The following FBXL17 variants were observed in gnomAD, a reference collection of about 807,000 sequenced individuals.
FBXL17 encodes the protein F-box/LRR-repeat protein 17.
Under a neutral mutation model 66.2 loss-of-function variants are expected in FBXL17, and 22 were observed. The ratio of observed to expected loss-of-function variants is 0.33; its 90% CI spans 0.24 to 0.47. The LOEUF is 0.47. Among genes scored for constraint, FBXL17 ranks in the 20% least tolerant of loss-of-function variants. The pLI, the probability that FBXL17 is intolerant of heterozygous loss-of-function variation, is 1.00. For missense variants in FBXL17, 878 were observed against 948.2 expected, an observed-to-expected ratio of 0.93 and a Z score of 0.97; for synonymous variants, 474 against 400.5, an observed-to-expected ratio of 1.18 and a Z score of -2.19.
intron 7 of FBXL17, among the ~76,000 whole-genome samples, chr5:107,904,269 C>T (rs1402814006): frequency 6.6e-6 from 1 of 152,112 alleles, no homozygotes; most frequent in Non-Finnish European, 1.5e-5. Flanking sequence ...CCAGGAGAGA[C>T]ACCCCCTTCT....
intron 3 of FBXL17, among the ~76,000 whole-genome samples, chr5:108,360,592 T>G (rs1252405874): frequency 6.6e-6 from 1 of 152,140 alleles, no homozygotes; most frequent in Non-Finnish European, 1.5e-5. Context: ...CTCCCTGAAT[T>G]TATTGAGTTT....
At chr5:108,298,887 C>G in intron 4 of FBXL17, 1 of 932,416 alleles carries the variant, frequency 1.1e-6, no homozygotes, top group Non-Finnish European at 1.3e-6. Flanking sequence ...TAAAATGAGC[C>G]TTTTTTCCAT....
chr5:107,861,996 A>T, intron 8 of FBXL17, 136 bp from the exon 9 acceptor site: 2 of 949,224 alleles, frequency 2.1e-6, no homozygotes, highest in Non-Finnish European at 2.8e-6. Context: ...GATGTGAGGA[A>T]GGGTTTTGTG....
intron 6 of FBXL17, among the ~76,000 whole-genome samples, chr5:108,112,755 A>C (rs900460027): frequency 6.6e-6 from 1 of 151,078 alleles, no homozygotes; most frequent in Non-Finnish European, 1.5e-5. Context: ...GAAAGTTGTA[A>C]AAAGATCCAA....
At position 108,146,047 on chromosome 5, in the gene FBXL17, T is replaced by C. The variant is rs141569471; in HGVS notation, c.1745+40070A>G. 4.4e-3 allele frequency among the ~76,000 whole-genome samples: 660 copies of C among 150,634 alleles called. 2 individuals carry two copies. The highest frequency in any genetic ancestry group is 0.016 in the African/African-American group (633 of 40,242). ...TCCTGGCTAACACAGTGAAATCCTG[T>C]CTCTACTAAAAATCTCTACTAAAAA... On this transcript the variant is annotated intron_variant, in intron 6 of 8. Coordinates refer to ENST00000542267, the MANE Select transcript of FBXL17 (RefSeq NM_001163315.3).
chr5:107,904,229 G>C (rs1042808833), intron 7 of FBXL17, among the ~76,000 whole-genome samples: 1 of 151,900 alleles, frequency 6.6e-6, no homozygotes, highest in East Asian at 1.9e-4. Context: ...CCTATCTCAC[G>C]ATGGCACCAC....
rs77385329 is a variant in FBXL17 at position 108,317,631 on chromosome 5, C to T, written c.1506+30768G>A. On this transcript the variant is annotated intron_variant, in intron 4 of 8. Transcript: ENST00000542267. ...GATATAATACACTAAAGGTTAACTA[C>T]GTAAGTACAATAAAAAAAAATTTCA... is the stretch of plus-strand genomic sequence containing the variant. Among the ~76,000 whole-genome samples, 375 of 151,016 alleles carry T rather than the reference C, an allele frequency of 2.5e-3. 1 individual carries two copies. Among genetic ancestry groups the T allele is most frequent in the African/African-American group, 8.7e-3 (360 of 41,334 alleles).
At chr5:108,363,649 C>G (rs1023172563) in intron 3 of FBXL17, among the ~76,000 whole-genome samples, 1 of 151,922 alleles carries the variant, frequency 6.6e-6, no homozygotes, top group Non-Finnish European at 1.5e-5. Flanking sequence ...GTTGCTCCTT[C>G]TCTACTTCAA....
At chr5:108,270,712 T>C (rs981349084) in intron 4 of FBXL17, among the ~76,000 whole-genome samples, 4 of 152,104 alleles carry the variant, frequency 2.6e-5, no homozygotes, top group East Asian at 1.9e-4. Flanking sequence ...GTTGAAATAA[T>C]TGAACAGCTG....
chr5:108,345,183 A>C (rs1450371162), intron 4 of FBXL17, among the ~76,000 whole-genome samples: 2 of 151,732 alleles, frequency 1.3e-5, no homozygotes, highest in Non-Finnish European at 2.9e-5. Context: ...AAATACAAAA[A>C]AAAATTAGCT....
intron 5 of FBXL17, among the ~76,000 whole-genome samples, chr5:108,194,022 A>G (rs1289552815): frequency 6.6e-6 from 1 of 152,076 alleles, no homozygotes; most frequent in African/African-American, 2.4e-5. Flanking sequence ...TAGCCAGATT[A>G]ATCTTCTTGA....
At chr5:107,999,486 A>ACACAC (rs1753630816) in intron 7 of FBXL17, among the ~76,000 whole-genome samples, 1 of 121,988 alleles carries the variant, frequency 8.2e-6, no homozygotes, top group Non-Finnish European at 1.8e-5. Flanking sequence ...CACACACACC[A>ACACAC]CACACACACA....
chr5:108,256,123 C>T (rs1006340114), intron 4 of FBXL17, among the ~76,000 whole-genome samples: 4 of 152,114 alleles, frequency 2.6e-5, no homozygotes, highest in African/African-American at 9.7e-5. Context: ...TAGAATCTTC[C>T]ATTTCGGTTA....
At chr5:108,062,482 T>A (rs1289960512) in intron 6 of FBXL17, among the ~76,000 whole-genome samples, 1 of 152,028 alleles carries the variant, frequency 6.6e-6, no homozygotes, top group Non-Finnish European at 1.5e-5. Context: ...ACTATTCTAT[T>A]AAGTATGGAA....
chr5:108,322,516 A>AT (rs1256958406), intron 4 of FBXL17, among the ~76,000 whole-genome samples: 1 of 151,852 alleles, frequency 6.6e-6, no homozygotes, highest in Non-Finnish European at 1.5e-5. Flanking sequence ...TAATATAAGA[A>AT]TTTTTTTCAT....
chr5:108,101,905 T>G (rs1311187365), intron 6 of FBXL17, among the ~76,000 whole-genome samples: 1 of 152,154 alleles, frequency 6.6e-6, no homozygotes, highest in Non-Finnish European at 1.5e-5. Context: ...AAGTTCAAAG[T>G]AGACATCACA....
intron 7 of FBXL17, among the ~76,000 whole-genome samples, chr5:107,981,528 T>C (rs955372398): frequency 5.9e-5 from 9 of 152,162 alleles, no homozygotes; most frequent in Admixed American, 5.9e-4. Flanking sequence ...CAGGCAATGG[T>C]GTAGGAAGGA....
chr5:108,221,016 T>C (rs1754841597), intron 5 of FBXL17, among the ~76,000 whole-genome samples: 1 of 152,206 alleles, frequency 6.6e-6, no homozygotes, highest in Non-Finnish European at 1.5e-5. Flanking sequence ...GTCCCATAAA[T>C]ATGACTTTAT....
intron 4 of FBXL17, among the ~76,000 whole-genome samples, chr5:108,344,550 C>G (rs923611429): frequency 6.6e-6 from 1 of 152,170 alleles, no homozygotes; most frequent in African/African-American, 2.4e-5. Flanking sequence ...CAAAAATACT[C>G]TGACATAGGG....
Sources: gnomAD v4.1 joint callset for allele counts (sites outside exome capture counted in the v4.1 genomes callset) on GRCh38, gnomAD v4.1.1 for gene constraint, MANE v1.5 for transcripts, NCBI Gene and HGNC (gene_info 2026-07-23, HGNC 2026-07-21) for gene names.